Variants in FHIT observed in about 807,000 individuals in gnomAD.
FHIT encodes bis(5'-adenosyl)-triphosphatase.
Under a neutral mutation model 17.9 loss-of-function variants are expected in FHIT, and 19 were observed. The ratio of observed to expected loss-of-function variants is 1.06; its 90% CI spans 0.74 to 1.56. The LOEUF (loss-of-function observed/expected upper bound fraction) is 1.56. Ranked by LOEUF, FHIT falls within the 40% of genes most tolerant of loss-of-function variation. FHIT has a pLI of 0.00. For missense variants in FHIT, 248 were observed against 189.2 expected (o/e 1.31, Z -1.82); for synonymous variants, 81 against 69.7 (o/e 1.16, Z -0.81).
intron 4 of FHIT, among the ~76,000 whole-genome samples, chr3:60,637,750 C>T (rs1290846638): frequency 7.2e-5 from 11 of 152,116 alleles, no homozygotes; most frequent in Admixed American, 7.2e-4. Flanking sequence ...TATGATTAGT[C>T]TTGTCAAGTA....
rs1044822185 is a variant in FHIT, at chr3:60,425,766, C to T, written c.103+111094G>A. On this transcript the variant is annotated intron_variant, in intron 5 of 9. Coordinates refer to ENST00000492590, the MANE Select transcript of FHIT (RefSeq NM_002012.4). Reference sequence around the variant, plus strand: ...AAGTAGTTAAATCAGAATTACACACCACCCAATTAATTTTATAATCAATAG... The same window carrying T: ...AAGTAGTTAAATCAGAATTACACACTACCCAATTAATTTTATAATCAATAG... Among the ~76,000 whole-genome samples, 8 of 151,672 alleles carry T rather than the reference C, an allele frequency of 5.3e-5. 2 individuals are homozygous for T. Among genetic ancestry groups the T allele is most frequent in the Admixed American group, 6.6e-5 (1 of 15,178 alleles).
chr3:61,019,726 T>A (rs189094369), intron 3 of FHIT, among the ~76,000 whole-genome samples: 1 of 152,204 alleles, frequency 6.6e-6, no homozygotes, highest in Admixed American at 6.5e-5. Flanking sequence ...CAAGCTCCCA[T>A]GAACCTCTTT....
At chr3:60,056,534 C>A (rs542168030) in intron 5 of FHIT, among the ~76,000 whole-genome samples, 7 of 152,202 alleles carry the variant, frequency 4.6e-5, no homozygotes, top group African/African-American at 1.7e-4. Context: ...TCCAAGTATA[C>A]GCTTTTGATT....
chr3:60,252,351 C>T (rs1705753024), intron 5 of FHIT, among the ~76,000 whole-genome samples: 1 of 151,978 alleles, frequency 6.6e-6, no homozygotes, highest in Non-Finnish European at 1.5e-5. Flanking sequence ...TAAGACCAGC[C>T]TGGGCAACAT....
chr3:60,805,517 T>C (rs932588629), intron 4 of FHIT, among the ~76,000 whole-genome samples: 2 of 152,170 alleles, frequency 1.3e-5, no homozygotes, highest in Non-Finnish European at 1.5e-5. Flanking sequence ...CCTTATGACC[T>C]CATTTAACAT....
intron 4 of FHIT, among the ~76,000 whole-genome samples, chr3:60,682,190 C>A (rs558317984): frequency 6.6e-6 from 1 of 152,100 alleles, no homozygotes; most frequent in Non-Finnish European, 1.5e-5. Context: ...CTAGGCTGGT[C>A]TCGAACTCCT....
At chr3:60,625,051 G>GGC (rs1164638944) in intron 4 of FHIT, among the ~76,000 whole-genome samples, 1 of 152,100 alleles carries the variant, frequency 6.6e-6, no homozygotes, top group Non-Finnish European at 1.5e-5. Flanking sequence ...TGGGACTACA[G>GGC]GCACATGCCA....
At chr3:61,083,647 C>G (rs1222052633) in intron 2 of FHIT, among the ~76,000 whole-genome samples, 2 of 152,182 alleles carry the variant, frequency 1.3e-5, no homozygotes, top group East Asian at 3.8e-4. Flanking sequence ...TTCCTCCCAA[C>G]ACCTTCACCC....
At chr3:60,221,245 CA>C (rs1163509837) in intron 5 of FHIT, among the ~76,000 whole-genome samples, 1 of 152,070 alleles carries the variant, frequency 6.6e-6, no homozygotes, top group African/African-American at 2.4e-5. Flanking sequence ...ATGTTATAAT[CA>C]ACAGATAGTT....
intron 5 of FHIT, among the ~76,000 whole-genome samples, chr3:60,495,737 C>G (rs2034275601): frequency 6.6e-6 from 1 of 152,046 alleles, no homozygotes; most frequent in Non-Finnish European, 1.5e-5. Flanking sequence ...GGAAAAAAAT[C>G]ATTTGAAAGA....
intron 5 of FHIT, among the ~76,000 whole-genome samples, chr3:60,512,572 G>GA (rs1341182543): frequency 5.4e-5 from 8 of 147,350 alleles, no homozygotes; most frequent in Non-Finnish European, 3.1e-5. Flanking sequence ...TAATTAAAAA[G>GA]AAAAAAACTG....
intron 4 of FHIT, among the ~76,000 whole-genome samples, chr3:60,729,258 G>C (rs2041979399): frequency 6.6e-6 from 1 of 152,178 alleles, no homozygotes; most frequent in Non-Finnish European, 1.5e-5. Flanking sequence ...CATTCCAAGA[G>C]TGGAGAAAGT....
chr3:60,303,734 T>C (rs766443555), intron 5 of FHIT, among the ~76,000 whole-genome samples: 3 of 152,158 alleles, frequency 2.0e-5, no homozygotes, highest in Non-Finnish European at 4.4e-5. Flanking sequence ...GAGCATCACC[T>C]AGAACCTCCG....
intron 8 of FHIT, among the ~76,000 whole-genome samples, chr3:59,774,762 T>C (rs1040437289): frequency 6.6e-6 from 1 of 152,174 alleles, no homozygotes; most frequent in Non-Finnish European, 1.5e-5. Context: ...ACACGTGAGA[T>C]TCAATACATA....
intron 5 of FHIT, among the ~76,000 whole-genome samples, chr3:60,153,893 A>G (rs911826626): frequency 6.6e-6 from 1 of 152,206 alleles, no homozygotes; most frequent in East Asian, 1.9e-4. Context: ...TGGGCATACA[A>G]TGAAGAACAA....
intron 4 of FHIT, among the ~76,000 whole-genome samples, chr3:60,810,448 A>C (rs1701539653): frequency 6.6e-6 from 1 of 152,214 alleles, no homozygotes; most frequent in Admixed American, 6.5e-5. Flanking sequence ...GACAACCTGA[A>C]GAAACCCACA....
chr3:60,262,132 T>G (rs1034269915), intron 5 of FHIT, among the ~76,000 whole-genome samples: 2 of 152,122 alleles, frequency 1.3e-5, no homozygotes, highest in African/African-American at 4.8e-5. Flanking sequence ...ATCTGTCTTT[T>G]GTCATAGTGT....
intron 5 of FHIT, among the ~76,000 whole-genome samples, chr3:60,394,299 C>T (rs1701348735): frequency 6.6e-6 from 1 of 152,150 alleles, no homozygotes; most frequent in Non-Finnish European, 1.5e-5. Flanking sequence ...AGAAACAGAT[C>T]AACCCACTCT....
intron 5 of FHIT, among the ~76,000 whole-genome samples, chr3:60,242,049 T>C (rs961399009): frequency 5.3e-5 from 8 of 152,194 alleles, no homozygotes; most frequent in Non-Finnish European, 1.2e-4. Flanking sequence ...AAACAGGGTG[T>C]GTATGTAATT....
Sources: gnomAD v4.1 joint callset for allele counts (sites outside exome capture counted in the v4.1 genomes callset) on GRCh38, gnomAD v4.1.1 for gene constraint, MANE v1.5 for transcripts, NCBI Gene and HGNC (gene_info 2026-07-23, HGNC 2026-07-21) for gene names.